NDRG1: variants seen among roughly 807,000 people sequenced by gnomAD.
The protein encoded by NDRG1 is N-myc downstream regulated 1.
NDRG1 carries 32 observed loss-of-function variants against 56.9 expected under a neutral mutation model. The observed-to-expected ratio is 0.56, with a 90% CI of 0.42 to 0.76. The LOEUF is 0.76. Among genes scored for constraint, NDRG1 ranks in the 30% least tolerant of loss-of-function variants. The probability of loss-of-function intolerance (pLI) is 0.00; values close to 1 mark genes in which losing one functional copy is unlikely to be tolerated. For synonymous variants in NDRG1, 211 were observed against 204.1 expected, an observed-to-expected ratio of 1.03 and a Z score of -0.29; for missense variants, 507 against 545.7, an observed-to-expected ratio of 0.93 and a Z score of 0.71.
At chr8:133,239,563 G>C (rs1855264723) in intron 15 of NDRG1, 1 of 211,798 alleles carries the variant, frequency 4.7e-6, no homozygotes, top group South Asian at 9.6e-5. Context: ...GCACATCACA[G>C]GTGGGGAAAG....
intron 8 of NDRG1, chr8:133,255,495 C>T: frequency 2.4e-6 from 1 of 410,216 alleles, no homozygotes; most frequent in South Asian, 1.7e-5. Flanking sequence ...TTCACATTAG[C>T]CAGTGGTCGA....
intron 1 of NDRG1, among the ~76,000 whole-genome samples, chr8:133,285,920 C>T (rs1048009432): frequency 2.0e-5 from 3 of 152,314 alleles, no homozygotes; most frequent in Admixed American, 6.5e-5. Flanking sequence ...TGGGACACCT[C>T]GCCTACATGG....
At chr8:133,263,460 G>C (rs1300172170) in intron 4 of NDRG1, among the ~76,000 whole-genome samples, 1 of 152,192 alleles carries the variant, frequency 6.6e-6, no homozygotes. Context: ...TCTATTCCAT[G>C]AAATTTCAAC....
At chr8:133,282,600 G>C (rs1051823097) in intron 2 of NDRG1, among the ~76,000 whole-genome samples, 2 of 152,238 alleles carry the variant, frequency 1.3e-5, no homozygotes, top group African/African-American at 2.4e-5. Flanking sequence ...CACAGACCCA[G>C]AGTTTAGAGG....
chr8:133,265,211 T>A (rs1856856758), intron 3 of NDRG1, among the ~76,000 whole-genome samples: 1 of 152,106 alleles, frequency 6.6e-6, no homozygotes. Flanking sequence ...ACCTCCCAGT[T>A]GCAAGGACTG....
chr8:133,264,614 G>A lies in NDRG1; in HGVS notation c.138C>T (p.Val46=), dbSNP rs1856822948. 1 of 1,614,134 alleles carries A rather than the reference G, an allele frequency of 6.2e-7. No individual in the cohort carries two copies. Among genetic ancestry groups the A allele is most frequent in the Non-Finnish European group, 8.5e-7 (1 of 1,180,056 alleles). Residue 46 remains valine, a synonymous_variant, in exon 4 of 16, where the codon GTC becomes GTT. Coordinates refer to ENST00000323851, the MANE Select transcript of NDRG1 (RefSeq NM_006096.4). ...DIETLHGSVH[V]TLCGTPKGNR... is the part of the protein sequence containing the mutation. The stretch of plus-strand genomic sequence containing the variant: ...TTCCCTTGGGAGTCCCACACAGCGT[G>A]ACGTGAACAGAGCCATGTAAAGTCT...
chr8:133,255,414 A>C (rs1050224360), intron 8 of NDRG1: 6 of 456,178 alleles, frequency 1.3e-5, no homozygotes, highest in Admixed American at 2.3e-5. Flanking sequence ...GAGTTGAAAA[A>C]GAAGGGAATA....
At chr8:133,264,785 C>T (rs952407644) in intron 3 of NDRG1, 133 bp from the exon 4 acceptor site, 29 of 757,378 alleles carry the variant, frequency 3.8e-5, no homozygotes, top group African/African-American at 6.9e-5. Context: ...GCCCCGGCTT[C>T]GGGCAGCAGC....
intron 3 of NDRG1, among the ~76,000 whole-genome samples, chr8:133,271,261 T>C (rs1034128680): frequency 6.6e-6 from 1 of 152,180 alleles, no homozygotes; most frequent in Non-Finnish European, 1.5e-5. Flanking sequence ...GGTCCAAGCA[T>C]GGCCAGAGCA....
chr8:133,255,394 C>T (rs1320076324), intron 8 of NDRG1: 2 of 456,082 alleles, frequency 4.4e-6, no homozygotes, highest in African/African-American at 2.0e-5. Context: ...GCCTGGTAAT[C>T]GAAAGGCTGG....
At chr8:133,246,684 C>T in intron 12 of NDRG1, 21 bp from the exon 13 acceptor site, 1 of 1,613,870 alleles carries the variant, frequency 6.2e-7, no homozygotes, top group Non-Finnish European at 8.5e-7. Flanking sequence ...GGGAGGAAAT[C>T]TGTTAATTTT....
At chr8:133,291,716 C>A (rs1432639790) in intron 1 of NDRG1, among the ~76,000 whole-genome samples, 1 of 152,146 alleles carries the variant, frequency 6.6e-6, no homozygotes, top group Non-Finnish European at 1.5e-5. Context: ...CTCGAGGGCC[C>A]CTGTACTTTG....
At chr8:133,259,927 G>A (rs1387544879) in intron 5 of NDRG1, among the ~76,000 whole-genome samples, 1 of 152,222 alleles carries the variant, frequency 6.6e-6, no homozygotes, top group Non-Finnish European at 1.5e-5. Context: ...ATGGGAACCT[G>A]ATGAGTAAAG....
rs900701119 is a variant in NDRG1, at chr8:133,284,132, A to G, written c.63+117T>C. On this transcript the variant is annotated intron_variant, in intron 2 of 15. Coordinates refer to ENST00000323851, the MANE Select transcript of NDRG1 (RefSeq NM_006096.4). ...TGTATGCCGTGTGTATGCTGTATAC[A>G]TGTGTATTTGTGCAGTGTTTGCATG... is the stretch of plus-strand genomic sequence containing the variant. The G allele has an allele frequency of 1.1e-5, 10 of 896,104 alleles. No individual in the cohort carries two copies. In the African/African-American group the frequency reaches 1.5e-4, roughly 13 times the overall value. The allele number at this position is 896,104 out of a possible 1,614,324, so 55.5% of individuals were successfully genotyped here.
chr8:133,238,755 C>G lies in NDRG1; in HGVS notation c.*123G>C, dbSNP rs1855201462. 3 of 1,216,622 alleles carry G rather than the reference C, an allele frequency of 2.5e-6. No individual in the cohort carries two copies. Among genetic ancestry groups the G allele is most frequent in the African/African-American group, 1.5e-5 (1 of 65,604 alleles). 75.4% of individuals were successfully genotyped at this position (1,216,622 alleles called of 1,614,324 possible). ...TTGTCTCCACCAGAGCTCACTCTTACAAAATAAGCTTTGGATTAATACCGA... is the reference window on the plus strand; with the variant it reads ...TTGTCTCCACCAGAGCTCACTCTTAGAAAATAAGCTTTGGATTAATACCGA... On this transcript the variant is annotated 3_prime_UTR_variant, in exon 16 of 16. Transcript: ENST00000323851.
chr8:133,280,359 C>T (rs1188210503), intron 2 of NDRG1, 92 bp from the exon 3 acceptor site: 5 of 1,195,008 alleles, frequency 4.2e-6, no homozygotes, highest in Non-Finnish European at 6.2e-6. Context: ...TGACCTGAAT[C>T]TGTACCTACA....
At chr8:133,285,860 C>T (rs1858083785) in intron 1 of NDRG1, among the ~76,000 whole-genome samples, 1 of 152,246 alleles carries the variant, frequency 6.6e-6, no homozygotes, top group Non-Finnish European at 1.5e-5. Flanking sequence ...AGGCCCGCGT[C>T]TGTTAGCCTT....
intron 3 of NDRG1, among the ~76,000 whole-genome samples, chr8:133,270,423 G>A (rs1857131796): frequency 6.6e-6 from 1 of 152,196 alleles, no homozygotes; most frequent in South Asian, 2.1e-4. Context: ...GCAGCAAAGT[G>A]CCTGATAAAG....
chr8:133,289,515 C>T (rs1246026729), intron 1 of NDRG1, among the ~76,000 whole-genome samples: 1 of 152,138 alleles, frequency 6.6e-6, no homozygotes, highest in Non-Finnish European at 1.5e-5. Context: ...GGGCCCTTCT[C>T]TCCACCAGCA....
Sources: allele counts gnomAD v4.1 joint callset (sites outside exome capture counted in the v4.1 genomes callset), GRCh38; gene constraint gnomAD v4.1.1; transcripts MANE v1.5; gene names NCBI Gene and HGNC (gene_info 2026-07-23, HGNC 2026-07-21).